The following LRRC4C variants were observed in gnomAD, a reference collection of about 807,000 sequenced individuals.
LRRC4C encodes the protein leucine-rich repeat-containing protein 4C.
In LRRC4C, 5 loss-of-function variants were observed where a neutral mutation model predicts 33.6. That is an observed-to-expected ratio of 0.15 (90% CI 0.08 to 0.31). LRRC4C has a LOEUF of 0.31. LRRC4C is among the 10% of genes least tolerant of loss of function. LRRC4C has a pLI of 1.00. For missense variants in LRRC4C, 560 were observed against 796.7 expected (o/e 0.70, Z 3.58); for synonymous variants, 329 against 302.0 (o/e 1.09, Z -0.93).
chr11:40,907,034 G>A lies in LRRC4C; in HGVS notation c.-407+26601C>T, dbSNP rs184905683. ...ATGGAGTTATATATGTGTGTGCACT[G>A]TCAGGAGGGAGAGGGCTTGTTTTCA... On this transcript the variant is annotated intron_variant, in intron 2 of 6. Transcript: ENST00000528697. Among the ~76,000 whole-genome samples, 22 of 152,294 alleles carry A rather than the reference G, an allele frequency of 1.4e-4. No individual in the cohort carries two copies. In the Middle Eastern group the frequency reaches 0.01, roughly 71 times the overall value.
At chr11:40,269,748 A>AT (rs1184942627) in intron 4 of LRRC4C, among the ~76,000 whole-genome samples, 2 of 126,658 alleles carry the variant, frequency 1.6e-5, no homozygotes, top group Non-Finnish European at 3.1e-5. Context: ...AGGGATATAC[A>AT]TTTTTTATCC....
At chr11:41,011,946 T>TA (rs1400273377) in intron 1 of LRRC4C, among the ~76,000 whole-genome samples, 6 of 149,478 alleles carry the variant, frequency 4.0e-5, no homozygotes, top group Non-Finnish European at 7.4e-5. Context: ...CTCCTGGGTT[T>TA]TTTTTTTTAT....
At chr11:40,500,174 C>T (rs376487647) in intron 3 of LRRC4C, among the ~76,000 whole-genome samples, 2 of 151,418 alleles carry the variant, frequency 1.3e-5, no homozygotes, top group Non-Finnish European at 2.9e-5. Flanking sequence ...CTTAACCTGT[C>T]GCATCCTCAA....
intron 1 of LRRC4C, among the ~76,000 whole-genome samples, chr11:41,172,012 G>A (rs1944998429): frequency 6.6e-6 from 1 of 152,040 alleles, no homozygotes; most frequent in African/African-American, 2.4e-5. Context: ...TTTCAGATCT[G>A]CCACAGAGAA....
intron 2 of LRRC4C, among the ~76,000 whole-genome samples, chr11:40,831,555 T>G (rs1198014707): frequency 3.3e-5 from 5 of 152,168 alleles, no homozygotes; most frequent in African/African-American, 1.2e-4. Context: ...TGAGTACATA[T>G]AACTGAAATA....
intron 3 of LRRC4C, among the ~76,000 whole-genome samples, chr11:40,397,096 C>A (rs1312203349): frequency 1.3e-5 from 2 of 152,092 alleles, no homozygotes; most frequent in Admixed American, 6.6e-5. Flanking sequence ...ATTAACTTAA[C>A]CCCATGTACC....
chr11:40,280,013 A>G (rs753028553), intron 4 of LRRC4C, among the ~76,000 whole-genome samples: 8 of 152,166 alleles, frequency 5.3e-5, no homozygotes, highest in Non-Finnish European at 1.0e-4. Flanking sequence ...TCAGGTGAGT[A>G]TCTGTGCATA....
chr11:40,650,066 G>C (rs1444546018), intron 2 of LRRC4C, among the ~76,000 whole-genome samples: 1 of 152,144 alleles, frequency 6.6e-6, no homozygotes, highest in Non-Finnish European at 1.5e-5. Flanking sequence ...TAAGACAAAT[G>C]AAAAGAGTTA....
In LRRC4C at chr11:40,356,172, C is replaced by A. The variant is rs146508113; in HGVS notation, c.-269-36451G>T. Among the ~76,000 whole-genome samples the A allele has an allele frequency of 9.0e-4, 137 of 152,078 alleles. 2 individuals are homozygous for A. In the East Asian group the frequency reaches 0.023, roughly 26 times the overall value. On this transcript the variant is annotated intron_variant, in intron 3 of 6. Coordinates refer to ENST00000528697, the MANE Select transcript of LRRC4C (RefSeq NM_001258419.2). ...GATTGTCCAGTTATGTGGTCTTTGCCAATTTCAAAGGCGTAAACACTCCTA... is the reference window on the plus strand; with the variant it reads ...GATTGTCCAGTTATGTGGTCTTTGCAAATTTCAAAGGCGTAAACACTCCTA...
intron 2 of LRRC4C, among the ~76,000 whole-genome samples, chr11:40,924,148 G>C: frequency 6.7e-6 from 1 of 149,492 alleles, no homozygotes; most frequent in Non-Finnish European, 1.5e-5. Context: ...GTATATATAT[G>C]ATATTAGGTT....
At chr11:40,974,990 G>A (rs1053150817) in intron 1 of LRRC4C, among the ~76,000 whole-genome samples, 4 of 152,070 alleles carry the variant, frequency 2.6e-5, no homozygotes, top group Non-Finnish European at 4.4e-5. Flanking sequence ...GTCTCAACTC[G>A]GACTGAGCCA....
chr11:40,218,919 T>C (rs1198841544), intron 5 of LRRC4C, among the ~76,000 whole-genome samples: 4 of 152,100 alleles, frequency 2.6e-5, no homozygotes, highest in African/African-American at 9.7e-5. Flanking sequence ...ATCTCTGTAC[T>C]TCCCAATCCC....
At chr11:40,319,012 T>C (rs1945714023) in intron 4 of LRRC4C, among the ~76,000 whole-genome samples, 1 of 152,170 alleles carries the variant, frequency 6.6e-6, no homozygotes, top group Non-Finnish European at 1.5e-5. Context: ...CGTGTGCTGT[T>C]AGGTTAAGAA....
intron 1 of LRRC4C, among the ~76,000 whole-genome samples, chr11:41,022,242 A>G (rs1481403079): frequency 1.3e-5 from 2 of 150,888 alleles, no homozygotes; most frequent in Non-Finnish European, 3.0e-5. Context: ...CAGAACATGT[A>G]GAAGGAAACT....
At chr11:40,423,946 G>A (rs7952052) in intron 3 of LRRC4C, among the ~76,000 whole-genome samples, 104,940 of 151,894 alleles carry the variant, frequency 0.69, 39,656 homozygotes, top group East Asian at 0.96. Flanking sequence ...TATGGTATGC[G>A]CCATATCCTT....
intron 1 of LRRC4C, among the ~76,000 whole-genome samples, chr11:41,291,615 C>T (rs879589836): frequency 1.1e-4 from 17 of 152,042 alleles, no homozygotes; most frequent in Admixed American, 5.2e-4. Flanking sequence ...AACATACATA[C>T]TGGAAGAATG....
chr11:41,114,020 A>C (rs1941987138), intron 1 of LRRC4C, among the ~76,000 whole-genome samples: 1 of 152,088 alleles, frequency 6.6e-6, no homozygotes, highest in Non-Finnish European at 1.5e-5. Context: ...ATTAAAGTTT[A>C]TCAGTATAAA....
At chr11:40,421,200 A>G (rs1950511287) in intron 3 of LRRC4C, among the ~76,000 whole-genome samples, 1 of 152,208 alleles carries the variant, frequency 6.6e-6, no homozygotes, top group Non-Finnish European at 1.5e-5. Context: ...AAGACAGTTG[A>G]AATCTTAGTT....
intron 1 of LRRC4C, among the ~76,000 whole-genome samples, chr11:41,401,861 C>A (rs774817670): frequency 8.2e-4 from 125 of 151,956 alleles, no homozygotes; most frequent in Non-Finnish European, 1.3e-3. Flanking sequence ...CCCATTTGAT[C>A]CCTCTCATTT....
Sources: gnomAD v4.1 joint callset for allele counts (sites outside exome capture counted in the v4.1 genomes callset) on GRCh38, gnomAD v4.1.1 for gene constraint, MANE v1.5 for transcripts, NCBI Gene and HGNC (gene_info 2026-07-23, HGNC 2026-07-21) for gene names.